TKTL1: variants seen among roughly 807,000 people sequenced by gnomAD.
The protein encoded by TKTL1 is transketolase-like protein 1.
Under a neutral mutation model 39.3 loss-of-function variants are expected in TKTL1, and 1 was observed. That is an observed-to-expected ratio of 0.03 (90% CI 0.01 to 0.12). The LOEUF (loss-of-function observed/expected upper bound fraction) is 0.12. Ranked by LOEUF, TKTL1 falls within the 10% of genes least tolerant of loss-of-function variation. TKTL1 has a pLI of 1.00. For synonymous variants in TKTL1, 262 were observed against 193.8 expected (o/e 1.35, Z -2.92); for missense variants, 575 against 509.6 (o/e 1.13, Z -1.24).
At chrX:154,300,013 T>A (rs2067260861) in intron 1 of TKTL1, among the ~76,000 whole-genome samples, 1 of 101,130 alleles carries the variant, frequency 9.9e-6, no homozygotes, top group African/African-American at 4.0e-5. Flanking sequence ...TTTTAGTATT[T>A]TTTTTTTTTT....
At chrX:154,321,598 C>A (rs781989801) in intron 8 of TKTL1, among the ~76,000 whole-genome samples, 1 of 108,336 alleles carries the variant, frequency 9.2e-6, no homozygotes, top group South Asian at 4.1e-4. Context: ...GCAAAACACA[C>A]GAGTCTCCGG....
chrX:154,299,939 C>T (rs2067260169), intron 1 of TKTL1, among the ~76,000 whole-genome samples: 1 of 110,484 alleles, frequency 9.1e-6, no homozygotes, highest in Admixed American at 9.7e-5. Flanking sequence ...ACTTTTTTTC[C>T]TTTGGGTAGA....
chrX:154,320,691 CTG>C (rs1374050427), intron 7 of TKTL1, 64 bp from the exon 8 acceptor site: 9 of 1,081,500 alleles, frequency 8.3e-6, no homozygotes, highest in Non-Finnish European at 1.1e-5. Context: ...ATCATGGGGA[CTG>C]TGGGAGAAGG....
chrX:154,302,288 T>C (rs782526042), intron 1 of TKTL1, among the ~76,000 whole-genome samples: 7 of 111,392 alleles, frequency 6.3e-5, no homozygotes, highest in African/African-American at 2.0e-4. Context: ...GAGAATGTCA[T>C]CTAAGTCAAA....
chrX:154,313,375 G>A (rs2067373444), intron 6 of TKTL1, among the ~76,000 whole-genome samples: 1 of 111,922 alleles, frequency 8.9e-6, no homozygotes, highest in Admixed American at 9.5e-5. Context: ...AAACTCTTGA[G>A]TATCAAGTCC....
At chrX:154,309,250 A>G in intron 2 of TKTL1, 95 bp from the exon 3 acceptor site, 2 of 731,787 alleles carry the variant, frequency 2.7e-6, no homozygotes, top group Non-Finnish European at 4.3e-6. Flanking sequence ...ACGCTGCTAC[A>G]GAGCTGACAG....
Position 154,305,287 on chromosome X carries a change from T to C in TKTL1, c.135-17T>C. On this transcript the variant is annotated splice_polypyrimidine_tract_variant and intron_variant, in intron 1 of 12. Transcript: ENST00000369915. ...CAGTTGCTGTGAGAAATGACCAGTG[T>C]CATGTCTGTCTTTCAGCCACCCTAC... The C allele has an allele frequency of 1.7e-6, 2 of 1,202,040 alleles. No homozygotes were observed. The highest frequency in any genetic ancestry group is 2.3e-6 in the Non-Finnish European group (2 of 887,874).
At chrX:154,315,539 G>A (rs147516041) in intron 7 of TKTL1, among the ~76,000 whole-genome samples, 17 of 111,649 alleles carry the variant, frequency 1.5e-4, no homozygotes, top group Non-Finnish European at 2.8e-4. Flanking sequence ...AGACTACTCG[G>A]CACTTGGAGT....
chrX:154,316,171 G>A (rs970231533), intron 7 of TKTL1, among the ~76,000 whole-genome samples: 10 of 111,342 alleles, frequency 9.0e-5, no homozygotes, highest in Non-Finnish European at 1.9e-4. Flanking sequence ...CTGGGTTCAC[G>A]ACATTCTCCT....
chrX:154,329,675 T>C lies in TKTL1; in HGVS notation c.1778T>C (p.Met593Thr), dbSNP rs1302136479. ...CATATCATAGTGGCCGTGAAATGCA[T>C]GTTGCTGAACTAAAATAGCTGTTAG... ...ARHIIVAVKC[M>T]LLN Residue 593 changes from methionine to threonine, a missense_variant, in exon 13 of 13, where the codon ATG (methionine) becomes ACG (threonine). Transcript: ENST00000369915. 1.7e-6 allele frequency: 2 copies of C among 1,211,242 alleles called. No homozygotes were observed. The highest frequency in any genetic ancestry group is 2.2e-6 in the Non-Finnish European group (2 of 894,811).
Position 154,329,557 on chromosome X carries a change from C to G in TKTL1, c.1660C>G (p.Pro554Ala), listed in dbSNP as rs2067521152. 1.7e-6 allele frequency: 2 copies of G among 1,210,274 alleles called. No individual in the cohort carries two copies. Among genetic ancestry groups the G allele is most frequent in the Non-Finnish European group, 2.2e-6 (2 of 895,236 alleles). Reference sequence around the variant, plus strand: ...TGTCTGCGCAGCCGTCTCCATGGATCCTGACATTCAGGTTCATTCGCTGGC... The same window carrying G: ...TGTCTGCGCAGCCGTCTCCATGGATGCTGACATTCAGGTTCATTCGCTGGC... Reference protein sequence around the residue: ...EAVCAAVSMDPDIQVHSLAVS... With the variant: ...EAVCAAVSMDADIQVHSLAVS... The change falls in exon 13 of 13, where the codon CCT (proline) becomes GCT (alanine). Residue 554 changes from proline (P) to alanine (A), a missense_variant. Pro to Ala is a conservative substitution (Grantham distance 27, BLOSUM62 -1). Transcript: ENST00000369915.
chrX:154,319,018 T>C (rs2067427929), intron 7 of TKTL1, among the ~76,000 whole-genome samples: 1 of 111,605 alleles, frequency 9.0e-6, no homozygotes, highest in Non-Finnish European at 1.9e-5. Context: ...GATAGAATTT[T>C]GATTATTATT....
In TKTL1 at chrX:154,329,774, T is replaced by C; in HGVS notation, c.*86T>C. The C allele has an allele frequency of 9.2e-7, 1 of 1,081,490 alleles. No individual in the cohort carries two copies. Among genetic ancestry groups the C allele is most frequent in the Non-Finnish European group, 1.3e-6 (1 of 798,434 alleles). The allele number at this position is 1,081,490 out of a possible 1,213,427, so 89.1% of individuals were successfully genotyped here. A position where few individuals can be genotyped will look rare whatever the true frequency, so the allele number is the denominator to read the frequency against. On this transcript the variant is annotated 3_prime_UTR_variant, in exon 13 of 13. Coordinates refer to ENST00000369915, the MANE Select transcript of TKTL1 (RefSeq NM_012253.4). The stretch of plus-strand genomic sequence containing the variant: ...CATCATTTAAATCTCTACTGTCACA[T>C]TTTGTTTCTTAAAAGCAAAGCCAGC...
intron 7 of TKTL1, 42 bp downstream of exon 7, chrX:154,315,379 C>CCTCCTGTGTCCAGTGGG: frequency 1.8e-6 from 2 of 1,121,034 alleles, no homozygotes; most frequent in Non-Finnish European, 2.4e-6. Context: ...GAATCAATGG[C>CCTCCTGTGTCCAGTGGG]CCACTGGACA....
At chrX:154,321,351 C>T (rs2067448798) in intron 8 of TKTL1, among the ~76,000 whole-genome samples, 1 of 109,386 alleles carries the variant, frequency 9.1e-6, no homozygotes, top group South Asian at 4.0e-4. Context: ...CCTGGGGCAG[C>T]GAGAACCCTG....
At chrX:154,328,793 G>A (rs2067514613) in intron 12 of TKTL1, among the ~76,000 whole-genome samples, 1 of 110,296 alleles carries the variant, frequency 9.1e-6, no homozygotes, top group Non-Finnish European at 1.9e-5. Context: ...AGGACTCCTG[G>A]GACCCAGCAC....
chrX:154,300,590 G>A (rs1275295314), intron 1 of TKTL1, among the ~76,000 whole-genome samples: 32 of 112,081 alleles, frequency 2.9e-4, no homozygotes, highest in African/African-American at 1.0e-3. Flanking sequence ...GTCGTTGTTG[G>A]TGTAGTGCTA....
At chrX:154,318,758 A>T (rs1297346499) in intron 7 of TKTL1, among the ~76,000 whole-genome samples, 1 of 106,712 alleles carries the variant, frequency 9.4e-6, no homozygotes, top group Admixed American at 1.0e-4. Context: ...CAACATAGTG[A>T]GACCTGGTCT....
At chrX:154,310,580 C>T (rs2067348946) in intron 3 of TKTL1, among the ~76,000 whole-genome samples, 1 of 112,551 alleles carries the variant, frequency 8.9e-6, no homozygotes, top group Non-Finnish European at 1.9e-5. Context: ...GGAAATGTGG[C>T]AGAAGAACCT....
Sources: gnomAD v4.1 joint callset for allele counts (sites outside exome capture counted in the v4.1 genomes callset) on GRCh38, gnomAD v4.1.1 for gene constraint, MANE v1.5 for transcripts, NCBI Gene and HGNC (gene_info 2026-07-23, HGNC 2026-07-21) for gene names.